SORCS1: variants seen among roughly 807,000 people sequenced by gnomAD.
SORCS1 encodes sortilin related VPS10 domain containing receptor 1.
In SORCS1, 60 loss-of-function variants were observed where a neutral mutation model predicts 146.1. That is an observed-to-expected ratio of 0.41 (90% CI 0.33 to 0.51). The LOEUF is 0.51. SORCS1 is among the 20% of genes least tolerant of loss of function. The pLI is 0.21. For missense variants in SORCS1, 1,352 were observed against 1,487.6 expected, an observed-to-expected ratio of 0.91 and a Z score of 1.50; for synonymous variants, 637 against 584.0, an observed-to-expected ratio of 1.09 and a Z score of -1.31.
intron 1 of SORCS1, among the ~76,000 whole-genome samples, chr10:106,989,523 G>A (rs953867400): frequency 1.1e-4 from 16 of 151,934 alleles, no homozygotes; most frequent in African/African-American, 3.4e-4. Flanking sequence ...TTTCCCAGCA[G>A]TCTTTCTACT....
chr10:106,874,263 C>G (rs1950525063), intron 2 of SORCS1, among the ~76,000 whole-genome samples: 1 of 152,052 alleles, frequency 6.6e-6, no homozygotes. Flanking sequence ...GGAGAATGAA[C>G]TAGATCAGGG....
Position 106,952,580 on chromosome 10 carries a change from T to A in SORCS1, c.626+3933A>T, listed in dbSNP as rs554286204. ...TATTATATTATATTATATTATACTA[T>A]GTTATATTATATATTATAATATGAA... On this transcript the variant is annotated intron_variant, in intron 2 of 25. Transcript: ENST00000263054. Among the ~76,000 whole-genome samples the A allele has an allele frequency of 8.6e-4, 127 of 148,150 alleles. 1 individual carries two copies. The highest frequency in any genetic ancestry group is 3.1e-3 in the African/African-American group (125 of 40,852).
chr10:106,775,074 TG>T (rs1860324866), intron 4 of SORCS1, among the ~76,000 whole-genome samples: 1 of 152,228 alleles, frequency 6.6e-6, no homozygotes, highest in South Asian at 2.1e-4. Flanking sequence ...TTTGAAGTGC[TG>T]GGAACGAAAG....
intron 2 of SORCS1, among the ~76,000 whole-genome samples, chr10:106,910,037 C>T (rs891770713): frequency 6.6e-6 from 1 of 152,224 alleles, no homozygotes; most frequent in Non-Finnish European, 1.5e-5. Flanking sequence ...AGCCATGCCT[C>T]TCTGTTTCAG....
chr10:106,612,497 C>T (rs1847074125), intron 21 of SORCS1, among the ~76,000 whole-genome samples: 1 of 148,760 alleles, frequency 6.7e-6, no homozygotes, highest in Non-Finnish European at 1.5e-5. Context: ...GCATGTCATT[C>T]ATGATATAGA....
intron 3 of SORCS1, among the ~76,000 whole-genome samples, chr10:106,803,485 T>C (rs1282053002): frequency 6.6e-6 from 1 of 152,176 alleles, no homozygotes; most frequent in Non-Finnish European, 1.5e-5. Context: ...CACAATACTT[T>C]GTACATTTGA....
chr10:106,618,093 A>G, intron 21 of SORCS1, 56 bp downstream of exon 21: 1 of 1,606,588 alleles, frequency 6.2e-7, no homozygotes, highest in Non-Finnish European at 8.5e-7. Flanking sequence ...TCATGGCACA[A>G]GAGAACCTCC....
chr10:107,169,800 C>T, the SORCS1 span, among the ~76,000 whole-genome samples: 2 of 152,130 alleles, frequency 1.3e-5, no homozygotes, highest in African/African-American at 2.4e-5. Context: ...CTTTTCCCCC[C>T]TGTTTTGTCC....
intron 2 of SORCS1, among the ~76,000 whole-genome samples, chr10:106,844,246 G>T (rs1949205250): frequency 6.6e-6 from 1 of 151,868 alleles, no homozygotes; most frequent in African/African-American, 2.4e-5. Context: ...GTTTAATTTT[G>T]CTATTTACTT....
intron 2 of SORCS1, among the ~76,000 whole-genome samples, chr10:106,856,202 T>A (rs1949780918): frequency 1.3e-5 from 2 of 152,112 alleles, no homozygotes; most frequent in African/African-American, 4.8e-5. Flanking sequence ...AATTTTTGTA[T>A]TTTTAGTAGA....
At chr10:107,125,546 C>A (rs528818634) in intron 1 of SORCS1, among the ~76,000 whole-genome samples, 106 of 152,332 alleles carry the variant, frequency 7.0e-4, no homozygotes, top group African/African-American at 2.5e-3. Context: ...ATACAGAAGA[C>A]ATTGCTTAAC....
chr10:107,134,976 C>T (rs1167166623), intron 1 of SORCS1, among the ~76,000 whole-genome samples: 2 of 152,170 alleles, frequency 1.3e-5, no homozygotes, highest in Non-Finnish European at 2.9e-5. Flanking sequence ...TAAATATGTA[C>T]AAATACATCT....
At chr10:106,793,931 T>A (rs1222129162) in intron 3 of SORCS1, among the ~76,000 whole-genome samples, 1 of 152,214 alleles carries the variant, frequency 6.6e-6, no homozygotes, top group Non-Finnish European at 1.5e-5. Context: ...ACATGTGCCT[T>A]TTCAATGTTC....
chr10:106,904,556 A>G (rs975418983), intron 2 of SORCS1, among the ~76,000 whole-genome samples: 1 of 152,214 alleles, frequency 6.6e-6, no homozygotes, highest in African/African-American at 2.4e-5. Context: ...GAGACTTGGG[A>G]TAGATCATTA....
chr10:106,701,542 A>G lies in SORCS1; in HGVS notation c.1234-2149T>C, dbSNP rs981665671. Among the ~76,000 whole-genome samples the G allele has an allele frequency of 3.9e-5, 6 of 152,328 alleles. No homozygotes were observed. The East Asian group carries it at 1.2e-3, about 29-fold the overall frequency. ...AAAGAAAACTCCAGATCTGCTGGAGATATATCTTGGAGGTAAAGGATGAAA... is the reference window on the plus strand; with the variant it reads ...AAAGAAAACTCCAGATCTGCTGGAGGTATATCTTGGAGGTAAAGGATGAAA... On this transcript the variant is annotated intron_variant, in intron 8 of 25. Transcript: ENST00000263054.
At chr10:107,017,632 ATTTT>A (rs1050956837) in intron 1 of SORCS1, among the ~76,000 whole-genome samples, 5 of 151,956 alleles carry the variant, frequency 3.3e-5, no homozygotes, top group Admixed American at 3.3e-4. Flanking sequence ...CCACAGAATA[ATTTT>A]TTTTAAGTTT....
At position 107,060,198 on chromosome 10, in the gene SORCS1, T is replaced by C. The variant is rs775788171; in HGVS notation, c.559-103618A>G. 1.5e-4 allele frequency among the ~76,000 whole-genome samples: 23 copies of C among 152,000 alleles called. No individual in the cohort carries two copies. The highest frequency in any genetic ancestry group is 2.4e-4 in the Non-Finnish European group (16 of 68,004). ...GAATATTAAAATGTAGACAGAAGGA[T>C]GGAAATGACAATGAGGATCTGAAGT... is the stretch of plus-strand genomic sequence containing the variant. On this transcript the variant is annotated intron_variant, in intron 1 of 25. Coordinates refer to ENST00000263054, the MANE Select transcript of SORCS1 (RefSeq NM_052918.5). The surrounding 1 kb of genome is among the most constrained non-coding windows in gnomAD (Gnocchi z 4.1).
At chr10:107,149,792 C>T (rs1042280668) in intron 1 of SORCS1, among the ~76,000 whole-genome samples, 3 of 152,198 alleles carry the variant, frequency 2.0e-5, no homozygotes, top group African/African-American at 7.2e-5. Context: ...ATATCTTAGA[C>T]ATTGAGACAA....
At chr10:106,882,456 G>A (rs1027398125) in intron 2 of SORCS1, among the ~76,000 whole-genome samples, 1 of 152,176 alleles carries the variant, frequency 6.6e-6, no homozygotes, top group Admixed American at 6.5e-5. Context: ...GTGGGTCATA[G>A]AGTCTCATTT....
Sources: allele counts gnomAD v4.1 joint callset (sites outside exome capture counted in the v4.1 genomes callset), GRCh38; gene constraint gnomAD v4.1.1; non-coding constraint Gnocchi (gnomAD v3.1); transcripts MANE v1.5; gene names NCBI Gene and HGNC (gene_info 2026-07-23, HGNC 2026-07-21).